The following ZDHHC7 variants were observed in gnomAD, a reference collection of about 807,000 sequenced individuals.
The protein encoded by ZDHHC7 is zDHHC palmitoyltransferase 7, also known as palmitoyltransferase ZDHHC7.
A neutral mutation model predicts 34.1 loss-of-function variants in ZDHHC7; 12 were observed. The observed-to-expected ratio is 0.35, with a 90% CI of 0.23 to 0.57. ZDHHC7 has a LOEUF of 0.57. ZDHHC7 is among the 20% of genes least tolerant of loss of function. The pLI, the probability that ZDHHC7 is intolerant of heterozygous loss-of-function variation, is 0.84. For missense variants in ZDHHC7, 388 were observed against 402.7 expected (o/e 0.96, Z 0.31); for synonymous variants, 185 against 155.4 (o/e 1.19, Z -1.42).
At chr16:85,018,928 A>G in the ZDHHC7 span, among the ~76,000 whole-genome samples, 1 of 152,092 alleles carries the variant, frequency 6.6e-6, no homozygotes, top group African/African-American at 2.4e-5. Context: ...AAATTCCACA[A>G]CCTGTGGTAG....
intron 1 of ZDHHC7, among the ~76,000 whole-genome samples, chr16:85,003,571 C>G (rs1026590386): frequency 6.6e-6 from 1 of 152,068 alleles, no homozygotes; most frequent in African/African-American, 2.4e-5. Context: ...ACTCAAATTA[C>G]TGAATCCAAA....
rs537830325 is a variant in ZDHHC7 at position 84,986,214 on chromosome 16, T to C, written c.315+4090A>G. ...GACAAGCTCAAGGTGGAGCGCTCTT[T>C]TCTTCCTACCGTGCACATTTGGAAT... On this transcript the variant is annotated intron_variant, in intron 3 of 7. Coordinates refer to ENST00000313732, the MANE Select transcript of ZDHHC7 (RefSeq NM_017740.3). Among the ~76,000 whole-genome samples the C allele has an allele frequency of 2.0e-5, 3 of 152,328 alleles. No individual in the cohort carries two copies. The South Asian group carries it at 6.2e-4, about 32-fold the overall frequency.
At chr16:84,979,792 T>C (rs557569220) in intron 4 of ZDHHC7, among the ~76,000 whole-genome samples, 1 of 152,236 alleles carries the variant, frequency 6.6e-6, no homozygotes, top group East Asian at 1.9e-4. Flanking sequence ...TTAACAGCTG[T>C]ATTTTACTTT....
At chr16:84,999,622 T>C (rs751642809) in intron 1 of ZDHHC7, among the ~76,000 whole-genome samples, 10 of 152,112 alleles carry the variant, frequency 6.6e-5, no homozygotes, top group Non-Finnish European at 1.2e-4. Context: ...GAAGAATATA[T>C]AGTGTGATTC....
chr16:84,999,544 A>G (rs2072626805), intron 1 of ZDHHC7, among the ~76,000 whole-genome samples: 1 of 152,208 alleles, frequency 6.6e-6, no homozygotes. Flanking sequence ...AAGCAGGAAA[A>G]TATTACTGAT....
chr16:84,990,231 C>T, intron 3 of ZDHHC7, 73 bp downstream of exon 3: 1 of 1,539,278 alleles, frequency 6.5e-7, no homozygotes. Context: ...CTGCTTCCTC[C>T]AAAGGGTCAG....
intron 1 of ZDHHC7, among the ~76,000 whole-genome samples, chr16:84,998,381 G>C (rs115691468): frequency 6.6e-6 from 1 of 152,088 alleles, no homozygotes; most frequent in Non-Finnish European, 1.5e-5. Flanking sequence ...GGTAGGTTTC[G>C]GCTCTGGCTT....
chr16:85,004,964 C>G (rs2072700432), intron 1 of ZDHHC7: 1 of 152,232 alleles, frequency 6.6e-6, no homozygotes, highest in African/African-American at 2.4e-5. Context: ...TGCGCGGGAC[C>G]TCACTAGAGC....
intron 4 of ZDHHC7, among the ~76,000 whole-genome samples, chr16:84,980,941 C>G (rs1378119012): frequency 6.6e-6 from 1 of 152,198 alleles, no homozygotes; most frequent in Non-Finnish European, 1.5e-5. Flanking sequence ...AGCTTTCACT[C>G]CAGCCATAAA....
intron 2 of ZDHHC7, among the ~76,000 whole-genome samples, chr16:84,994,308 A>C (rs1429528732): frequency 6.6e-6 from 1 of 152,220 alleles, no homozygotes; most frequent in African/African-American, 2.4e-5. Context: ...ATTTCCATCT[A>C]AGTTTCTTGG....
chr16:84,991,002 C>A (rs1391957153), intron 2 of ZDHHC7, among the ~76,000 whole-genome samples: 2 of 152,178 alleles, frequency 1.3e-5, no homozygotes, highest in Non-Finnish European at 2.9e-5. Context: ...CTCCCCTGAG[C>A]CCCACCTGTT....
intron 5 of ZDHHC7, 141 bp downstream of exon 5, chr16:84,979,048 G>T: frequency 2.6e-6 from 2 of 755,770 alleles, no homozygotes; most frequent in Non-Finnish European, 4.1e-6. Context: ...GCCAATGACA[G>T]CACAGTATTA....
At chr16:85,019,151 G>A in the ZDHHC7 span, among the ~76,000 whole-genome samples, 3 of 152,084 alleles carry the variant, frequency 2.0e-5, no homozygotes, top group Admixed American at 6.6e-5. Flanking sequence ...TTTCCTCCCC[G>A]GTCCCCCATG....
At chr16:85,010,279 C>T (rs1029143893) in intron 1 of ZDHHC7, among the ~76,000 whole-genome samples, 2 of 152,156 alleles carry the variant, frequency 1.3e-5, no homozygotes, top group Non-Finnish European at 2.9e-5. Flanking sequence ...GCCTCAGCCT[C>T]CCAAAGCGCT....
intron 1 of ZDHHC7, among the ~76,000 whole-genome samples, chr16:85,009,172 T>G (rs957517693): frequency 5.9e-5 from 9 of 152,080 alleles, no homozygotes; most frequent in African/African-American, 2.2e-4. Flanking sequence ...TCCCAAACAT[T>G]AACTTTCTAC....
chr16:84,999,558 A>T (rs1030399296), intron 1 of ZDHHC7, among the ~76,000 whole-genome samples: 1 of 152,236 alleles, frequency 6.6e-6, no homozygotes. Context: ...TACTGATACA[A>T]GCAACATGGC....
rs766125722 is a variant in ZDHHC7, at chr16:84,990,510, C to A, written c.109G>T (p.Asp37Tyr). 1.6e-5 allele frequency: 26 copies of A among 1,614,196 alleles called. No homozygotes were observed. The highest frequency in any genetic ancestry group is 1.6e-4 in the Middle Eastern group (1 of 6,062). Residue 37 changes from aspartate to tyrosine, a missense_variant, in exon 3 of 8, where the codon GAC becomes TAC. Coordinates refer to ENST00000313732, the MANE Select transcript of ZDHHC7 (RefSeq NM_017740.3). ...CCGTCACGGATGAACCAGACCCGGT[C>A]AGCCACGTCAGCCTCGGAGGAGGAG... ...SSSSSEADVA[D>Y]RVWFIRDGCG... is the part of the protein sequence containing the mutation.
the ZDHHC7 span, among the ~76,000 whole-genome samples, chr16:85,021,507 G>C: frequency 6.6e-6 from 1 of 150,886 alleles, no homozygotes; most frequent in Non-Finnish European, 1.5e-5. Flanking sequence ...CCAGGAGTTT[G>C]AGACCAGCCT....
chr16:85,025,376 A>T, the ZDHHC7 span, among the ~76,000 whole-genome samples: 1 of 151,686 alleles, frequency 6.6e-6, no homozygotes. Flanking sequence ...GATCCTGCTG[A>T]GCCAACCCCA....
Sources: gnomAD v4.1 joint callset for allele counts (sites outside exome capture counted in the v4.1 genomes callset) on GRCh38, gnomAD v4.1.1 for gene constraint, MANE v1.5 for transcripts, NCBI Gene and HGNC (gene_info 2026-07-23, HGNC 2026-07-21) for gene names.